Variants in RBFOX1 observed in about 807,000 individuals in gnomAD.
RBFOX1 encodes the protein RNA binding protein fox-1 homolog 1.
In RBFOX1, 8 loss-of-function variants were observed where a neutral mutation model predicts 57.7. That is an observed-to-expected ratio of 0.14 (90% CI 0.08 to 0.25). The LOEUF is 0.25. RBFOX1 is among the 10% of genes least tolerant of loss of function. The pLI is 1.00. For synonymous variants in RBFOX1, 326 were observed against 222.4 expected, an observed-to-expected ratio of 1.47 and a Z score of -4.15; for missense variants, 611 against 548.5, an observed-to-expected ratio of 1.11 and a Z score of -1.14.
At chr16:5,744,892 C>T (rs1192542700) in intron 3 of RBFOX1, among the ~76,000 whole-genome samples, 1 of 152,140 alleles carries the variant, frequency 6.6e-6, no homozygotes, top group African/African-American at 2.4e-5. Context: ...TCTCTCCGAC[C>T]GCCCAAAGTA....
chr16:7,429,108 G>C (rs1011452097), intron 4 of RBFOX1, among the ~76,000 whole-genome samples: 2 of 152,182 alleles, frequency 1.3e-5, no homozygotes, highest in African/African-American at 4.8e-5. Context: ...AGAGCTGGTG[G>C]GAAATCGAGC....
intron 4 of RBFOX1, among the ~76,000 whole-genome samples, chr16:5,960,981 A>G (rs750853394): frequency 1.3e-5 from 2 of 151,742 alleles, no homozygotes; most frequent in Non-Finnish European, 2.9e-5. Context: ...CAGGGCTGAG[A>G]TGGGGGAAAA....
chr16:7,451,235 A>C (rs1406113184), intron 4 of RBFOX1, among the ~76,000 whole-genome samples: 3 of 152,344 alleles, frequency 2.0e-5, no homozygotes, highest in Admixed American at 6.5e-5. Context: ...ATAATCATAT[A>C]ATATTGAATT....
intron 3 of RBFOX1, among the ~76,000 whole-genome samples, chr16:6,767,252 A>G (rs1277433848): frequency 2.0e-5 from 3 of 152,000 alleles, no homozygotes; most frequent in Non-Finnish European, 4.4e-5. Flanking sequence ...CTAGATGACC[A>G]AGTGGCTCAA....
intron 4 of RBFOX1, among the ~76,000 whole-genome samples, chr16:7,218,453 G>T (rs2092429869): frequency 6.6e-6 from 1 of 152,180 alleles, no homozygotes; most frequent in African/African-American, 2.4e-5. Context: ...TTCGATCCCA[G>T]TGAGAGAGCT....
intron 4 of RBFOX1, among the ~76,000 whole-genome samples, chr16:7,233,525 AATT>A (rs2093618087): frequency 6.6e-6 from 1 of 152,198 alleles, no homozygotes; most frequent in African/African-American, 2.4e-5. Flanking sequence ...AATGTGTGGA[AATT>A]ATTATTAAAG....
At chr16:6,498,251 C>CAAA (rs33939872) in intron 2 of RBFOX1, among the ~76,000 whole-genome samples, 16 of 84,406 alleles carry the variant, frequency 1.9e-4, no homozygotes, top group Admixed American at 1.4e-3. Context: ...AACTCCGTCT[C>CAAA]AAAACAAAAA....
intron 4 of RBFOX1, among the ~76,000 whole-genome samples, chr16:7,129,888 A>G (rs532212105): frequency 1.2e-4 from 19 of 152,108 alleles, no homozygotes; most frequent in African/African-American, 4.1e-4. Context: ...AAAATAAGCA[A>G]TGAATGACCC....
chr16:6,243,840 G>C (rs531171975), intron 1 of RBFOX1, among the ~76,000 whole-genome samples: 2 of 152,274 alleles, frequency 1.3e-5, no homozygotes, highest in Admixed American at 6.5e-5. Context: ...TGCCTGAGAT[G>C]AAAGACCATC....
intron 3 of RBFOX1, among the ~76,000 whole-genome samples, chr16:6,831,998 A>G (rs2141076055): frequency 6.6e-6 from 1 of 152,380 alleles, no homozygotes; most frequent in Non-Finnish European, 1.5e-5. Context: ...ACCGAATGGT[A>G]TCACTAATTA....
At chr16:7,002,411 A>G (rs2092903546) in intron 3 of RBFOX1, among the ~76,000 whole-genome samples, 1 of 152,246 alleles carries the variant, frequency 6.6e-6, no homozygotes, top group Admixed American at 6.5e-5. Flanking sequence ...AGAGATTTAA[A>G]AAAGATCTTT....
chr16:5,855,361 A>G (rs972394937), intron 3 of RBFOX1, among the ~76,000 whole-genome samples: 1 of 152,146 alleles, frequency 6.6e-6, no homozygotes, highest in Non-Finnish European at 1.5e-5. Flanking sequence ...TTCAAGTCTT[A>G]TGTTTGAGTC....
intron 3 of RBFOX1, among the ~76,000 whole-genome samples, chr16:6,678,355 C>G (rs2058087802): frequency 6.6e-6 from 1 of 152,072 alleles, no homozygotes; most frequent in Non-Finnish European, 1.5e-5. Flanking sequence ...AACTCCTGAC[C>G]TCAAGTCATC....
At chr16:6,504,096 G>GA (rs2096020069) in intron 2 of RBFOX1, among the ~76,000 whole-genome samples, 1 of 152,098 alleles carries the variant, frequency 6.6e-6, no homozygotes, top group South Asian at 2.1e-4. Context: ...TTCCTTCAGT[G>GA]AAATGGCAGC....
chr16:7,558,701 A>C (rs149537236), intron 5 of RBFOX1, among the ~76,000 whole-genome samples: 1 of 152,186 alleles, frequency 6.6e-6, no homozygotes, highest in African/African-American at 2.4e-5. Context: ...CAGCTACCCC[A>C]GGCTGACAAA....
At chr16:7,604,978 C>T (rs1322498275) in intron 9 of RBFOX1, among the ~76,000 whole-genome samples, 1 of 152,094 alleles carries the variant, frequency 6.6e-6, no homozygotes, top group East Asian at 1.9e-4. Context: ...AGAGTGATCA[C>T]TTAATAATTA....
At chr16:6,282,739 C>T (rs2076523148) in intron 1 of RBFOX1, among the ~76,000 whole-genome samples, 1 of 152,138 alleles carries the variant, frequency 6.6e-6, no homozygotes, top group Non-Finnish European at 1.5e-5. Flanking sequence ...TACTTTGCCC[C>T]TTCTTTTAAG....
At chr16:7,190,322 G>C (rs554117368) in intron 4 of RBFOX1, among the ~76,000 whole-genome samples, 3 of 152,078 alleles carry the variant, frequency 2.0e-5, no homozygotes, top group Non-Finnish European at 4.4e-5. Flanking sequence ...TCACACCACC[G>C]TACTCCAGCC....
intron 2 of RBFOX1, among the ~76,000 whole-genome samples, chr16:6,586,670 G>C (rs1482118157): frequency 6.6e-6 from 1 of 152,154 alleles, no homozygotes; most frequent in East Asian, 1.9e-4. Context: ...AAAGTGGCAA[G>C]ATGGCTTCCA....
Sources: gnomAD v4.1 joint callset for allele counts (sites outside exome capture counted in the v4.1 genomes callset) on GRCh38, gnomAD v4.1.1 for gene constraint, MANE v1.5 for transcripts, NCBI Gene and HGNC (gene_info 2026-07-23, HGNC 2026-07-21) for gene names.